MYO3A: variants seen among roughly 807,000 people sequenced by gnomAD.
The protein encoded by MYO3A is myosin IIIA.
MYO3A carries 180 observed loss-of-function variants against 192.7 expected under a neutral mutation model. The observed-to-expected ratio is 0.93, with a 90% confidence interval of 0.83 to 1.06. The LOEUF (loss-of-function observed/expected upper bound fraction) is 1.06. MYO3A is among the 50% of genes least tolerant of loss of function. The pLI, the probability that MYO3A is intolerant of heterozygous loss-of-function variation, is 0.00. For synonymous variants in MYO3A, 628 were observed against 645.3 expected, an observed-to-expected ratio of 0.97 and a Z score of 0.41; for missense variants, 1,896 against 1,905.0, an observed-to-expected ratio of 1.00 and a Z score of 0.09.
At chr10:26,104,620 A>T (rs1837676011) in intron 17 of MYO3A, among the ~76,000 whole-genome samples, 1 of 151,956 alleles carries the variant, frequency 6.6e-6, no homozygotes, top group African/African-American at 2.4e-5. Flanking sequence ...TCCTCCTACA[A>T]CTTTGTTCTT....
At chr10:25,941,547 A>AT (rs1836488222) in intron 2 of MYO3A, among the ~76,000 whole-genome samples, 1 of 151,918 alleles carries the variant, frequency 6.6e-6, no homozygotes, top group African/African-American at 2.4e-5. Context: ...TGTTTTTCAC[A>AT]TTTTTCTATT....
At chr10:25,954,057 A>C (rs1837381645) in intron 3 of MYO3A, among the ~76,000 whole-genome samples, 1 of 152,084 alleles carries the variant, frequency 6.6e-6, no homozygotes, top group South Asian at 2.1e-4. Context: ...GCAGGCTCGG[A>C]GTCTATATCT....
intron 19 of MYO3A, 65 bp from the exon 20 acceptor site, chr10:26,128,326 G>T: frequency 1.3e-6 from 2 of 1,529,682 alleles, no homozygotes; most frequent in Non-Finnish European, 1.8e-6. Flanking sequence ...GTAACTCTAA[G>T]ATTCCCTGTT....
intron 22 of MYO3A, among the ~76,000 whole-genome samples, chr10:26,146,057 G>C (rs1337114383): frequency 1.3e-5 from 2 of 152,114 alleles, no homozygotes; most frequent in South Asian, 2.1e-4. Flanking sequence ...TGCCAGGCTG[G>C]AGGTACAGTC....
chr10:26,021,704 A>C lies in MYO3A; in HGVS notation c.731+56A>C, dbSNP rs770663310. The C allele has an allele frequency of 6.9e-6, 11 of 1,599,318 alleles. No individual in the cohort carries two copies. The African/African-American group carries it at 8.0e-5, about 12-fold the overall frequency. On this transcript the variant is annotated intron_variant, in intron 8 of 34. Coordinates refer to ENST00000642920, the MANE Select transcript of MYO3A (RefSeq NM_017433.5). ...GCAGCCCGATTTACTTCCTCCAGCC[A>C]CCAAGTGTTCATCATGCTCTTCATG... is the stretch of plus-strand genomic sequence containing the variant.
chr10:26,128,112 TAGG>T (rs1839319294), intron 19 of MYO3A, among the ~76,000 whole-genome samples: 1 of 152,306 alleles, frequency 6.6e-6, no homozygotes, highest in African/African-American at 2.4e-5. Context: ...ACTTTGTTCT[TAGG>T]AGAAGAAAAA....
At chr10:26,024,207 A>G (rs1842441148) in intron 9 of MYO3A, 120 bp downstream of exon 9, 5 of 963,304 alleles carry the variant, frequency 5.2e-6, no homozygotes, top group African/African-American at 3.3e-5. Context: ...TCTTCAAAGG[A>G]AGCATCTATA....
chr10:26,002,478 A>C (rs1840890173), intron 6 of MYO3A, among the ~76,000 whole-genome samples: 2 of 152,222 alleles, frequency 1.3e-5, no homozygotes, highest in African/African-American at 2.4e-5. Context: ...GGCTAGGGTT[A>C]GACCGCACAG....
intron 34 of MYO3A, among the ~76,000 whole-genome samples, chr10:26,210,498 A>G (rs539250056): frequency 6.6e-6 from 1 of 151,942 alleles, no homozygotes; most frequent in South Asian, 2.1e-4. Flanking sequence ...GCCAGTTCTC[A>G]CCTCCTCCTC....
At chr10:26,044,918 GTGA>G (rs1564489561) in intron 10 of MYO3A, among the ~76,000 whole-genome samples, 1 of 152,216 alleles carries the variant, frequency 6.6e-6, no homozygotes, top group Non-Finnish European at 1.5e-5. Context: ...TGACTCCTGG[GTGA>G]ATGGAGCTGC....
intron 4 of MYO3A, among the ~76,000 whole-genome samples, chr10:25,973,095 T>C (rs1838758314): frequency 6.6e-6 from 1 of 152,238 alleles, no homozygotes; most frequent in Non-Finnish European, 1.5e-5. Flanking sequence ...TTCATGACAT[T>C]GATTCTTTCC....
chr10:26,132,186 GGT>G (rs1208149259), intron 20 of MYO3A, among the ~76,000 whole-genome samples: 1 of 152,034 alleles, frequency 6.6e-6, no homozygotes, highest in Non-Finnish European at 1.5e-5. Context: ...TTTGTTTTGT[GGT>G]TTTCTTCCGT....
chr10:25,989,275 T>TTTA (rs59046216), intron 4 of MYO3A, among the ~76,000 whole-genome samples: 3,681 of 150,752 alleles, frequency 0.024, 169 homozygotes, highest in African/African-American at 0.084. Flanking sequence ...TTTTTTTTTT[T>TTTA]AAAGCAGCTT....
At chr10:25,959,161 T>C in intron 4 of MYO3A, among the ~76,000 whole-genome samples, 1 of 152,156 alleles carries the variant, frequency 6.6e-6, no homozygotes, top group Non-Finnish European at 1.5e-5. Flanking sequence ...CCTTTATTTC[T>C]TTCTCTTGCC....
Position 26,146,932 on chromosome 10 carries a change from G to C in MYO3A, c.2506-498G>C, listed in dbSNP as rs571872737. ...GTTCAAGACCACCCTGGGTAACATA[G>C]CAAGACCTCATCTCTAAACTTTTTT... is the stretch of plus-strand genomic sequence containing the variant. On this transcript the variant is annotated intron_variant, in intron 22 of 34. Transcript: ENST00000642920. 1.2e-3 allele frequency among the ~76,000 whole-genome samples: 179 copies of C among 152,234 alleles called. 3 individuals carry two copies. The highest frequency in any genetic ancestry group is 4.0e-4 in the Non-Finnish European group (27 of 68,002).
rs1840537339 is a variant in MYO3A, at chr10:26,147,428, A to C, written c.2506-2A>C. On this transcript the variant is annotated splice_acceptor_variant, in intron 22 of 34. Transcript: ENST00000642920. LOFTEE classifies it high-confidence loss of function. The stretch of plus-strand genomic sequence containing the variant: ...GATAATTATAGCATACTGTATCAAC[A>C]GGTCCTCTATAATGCAAGTGGATTC... 1 of 1,611,318 alleles carries C rather than the reference A, an allele frequency of 6.2e-7. No homozygotes were observed. The highest frequency in any genetic ancestry group is 1.1e-5 in the South Asian group (1 of 91,024).
intron 32 of MYO3A, among the ~76,000 whole-genome samples, chr10:26,193,732 T>A (rs546223875): frequency 6.6e-6 from 1 of 152,326 alleles, no homozygotes; most frequent in Non-Finnish European, 1.5e-5. Context: ...ATTCCAGGCC[T>A]AGAATAAGGC....
intron 10 of MYO3A, among the ~76,000 whole-genome samples, chr10:26,059,576 A>G (rs1834332516): frequency 6.6e-6 from 1 of 152,248 alleles, no homozygotes; most frequent in African/African-American, 2.4e-5. Context: ...ACCAAGATTA[A>G]ATGCTAAATC....
chr10:25,987,652 T>G (rs749869281), intron 4 of MYO3A, among the ~76,000 whole-genome samples: 10 of 152,074 alleles, frequency 6.6e-5, no homozygotes, highest in Admixed American at 1.3e-4. Flanking sequence ...AAAACCACAA[T>G]GTGAAACCAC....
Sources: allele counts gnomAD v4.1 joint callset (sites outside exome capture counted in the v4.1 genomes callset), GRCh38; gene constraint gnomAD v4.1.1; transcripts MANE v1.5; gene names NCBI Gene and HGNC (gene_info 2026-07-23, HGNC 2026-07-21).